ABI1: variants seen among roughly 807,000 people sequenced by gnomAD.
The protein encoded by ABI1 is Abelson interactor 1.
In ABI1, 14 loss-of-function variants were observed where a neutral mutation model predicts 54.6. The observed-to-expected ratio is 0.26, with a 90% confidence interval of 0.17 to 0.40. The LOEUF is 0.40. Among genes scored for constraint, ABI1 ranks in the 10% least tolerant of loss-of-function variants. ABI1 has a pLI of 1.00. For synonymous variants in ABI1, 194 were observed against 209.3 expected (o/e 0.93, Z 0.63); for missense variants, 443 against 598.3 (o/e 0.74, Z 2.71).
chr10:26,765,466 G>T, intron 6 of ABI1, 148 bp from the exon 7 acceptor site: 1 of 635,626 alleles, frequency 1.6e-6, no homozygotes, highest in Non-Finnish European at 2.7e-6. Context: ...GAGCCCCCTT[G>T]GATACCAAAA....
At chr10:26,789,863 A>C (rs1302214328) in intron 2 of ABI1, among the ~76,000 whole-genome samples, 1 of 152,192 alleles carries the variant, frequency 6.6e-6, no homozygotes, top group Non-Finnish European at 1.5e-5. Flanking sequence ...TCCTACATAT[A>C]AGTGAGAACA....
intron 1 of ABI1, among the ~76,000 whole-genome samples, chr10:26,825,292 G>A (rs115273113): frequency 2.7e-3 from 409 of 152,320 alleles, no homozygotes; most frequent in African/African-American, 9.1e-3. Flanking sequence ...TTGGGAGACT[G>A]AGGCAGGAGA....
chr10:26,812,918 A>G (rs551557304), intron 2 of ABI1, among the ~76,000 whole-genome samples: 1 of 152,300 alleles, frequency 6.6e-6, no homozygotes, highest in South Asian at 2.1e-4. Flanking sequence ...CAACTCAGCC[A>G]GTAAGTGCCA....
At chr10:26,804,284 G>A (rs1380044776) in intron 2 of ABI1, among the ~76,000 whole-genome samples, 3 of 152,010 alleles carry the variant, frequency 2.0e-5, no homozygotes, top group Non-Finnish European at 4.4e-5. Context: ...TTGGGAGGCT[G>A]AGGCACAAGA....
chr10:26,847,862 T>C (rs2050096194), intron 1 of ABI1, among the ~76,000 whole-genome samples: 1 of 151,714 alleles, frequency 6.6e-6, no homozygotes, highest in South Asian at 2.1e-4. Context: ...TTCAGTTGGG[T>C]TATTCTTATT....
intron 2 of ABI1, among the ~76,000 whole-genome samples, chr10:26,821,106 G>T (rs547049087): frequency 6.6e-6 from 1 of 151,448 alleles, no homozygotes; most frequent in Non-Finnish European, 1.5e-5. Flanking sequence ...TTCACTGGGC[G>T]TGGTGAGGTG....
At chr10:26,789,400 C>T (rs1311477689) in intron 2 of ABI1, among the ~76,000 whole-genome samples, 1 of 152,162 alleles carries the variant, frequency 6.6e-6, no homozygotes, top group Non-Finnish European at 1.5e-5. Flanking sequence ...TACATACACA[C>T]ATTTGAATTA....
chr10:26,855,903 G>A (rs957685690), intron 1 of ABI1, among the ~76,000 whole-genome samples: 6 of 150,932 alleles, frequency 4.0e-5, no homozygotes, highest in African/African-American at 1.5e-4. Context: ...CCCAGGAGGC[G>A]GAGATTGCAG....
intron 7 of ABI1, among the ~76,000 whole-genome samples, chr10:26,760,001 G>A (rs995908662): frequency 2.0e-5 from 3 of 151,078 alleles, no homozygotes; most frequent in Non-Finnish European, 2.9e-5. Flanking sequence ...GCATTTTAAG[G>A]TAGTTTTGTT....
In ABI1 at chr10:26,748,703, AG is replaced by A; in HGVS notation, c.1312del (p.Leu438CysfsTer12). On this transcript the variant is annotated frameshift_variant, in exon 11 of 11. Coordinates refer to ENST00000376140, the MANE Select transcript of ABI1 (RefSeq NM_001012750.3). LOFTEE classifies it high-confidence loss of function. ...AATGATTGCACCCTCCATAAATGACAGCTCATCATCCTTGTCTTTTGTATAA... is the reference window on the plus strand; with the variant it reads ...AATGATTGCACCCTCCATAAATGACACTCATCATCCTTGTCTTTTGTATAA... ...YDYTKDKDDE[L>X]SFMEGAIIYV... The A allele has an allele frequency of 6.2e-7, 1 of 1,613,268 alleles. No individual in the cohort carries two copies. The highest frequency in any genetic ancestry group is 8.5e-7 in the Non-Finnish European group (1 of 1,179,646).
chr10:26,847,118 T>C (rs1238794212), intron 1 of ABI1, among the ~76,000 whole-genome samples: 1 of 152,218 alleles, frequency 6.6e-6, no homozygotes, highest in Non-Finnish European at 1.5e-5. Context: ...ACTGAGTATG[T>C]GACAAACTAA....
At position 26,777,245 on chromosome 10, in the gene ABI1, T is replaced by C. The variant is rs1025206419; in HGVS notation, c.286-4A>G. The stretch of plus-strand genomic sequence containing the variant: ...TCTCCTTATGAATATCCACAGTCTA[T>C]ATTTTAATTTGAACAAAACAAGAAA... On this transcript the variant is annotated splice_region_variant and splice_polypyrimidine_tract_variant and intron_variant, in intron 2 of 10. Coordinates refer to ENST00000376140, the MANE Select transcript of ABI1 (RefSeq NM_001012750.3). The C allele has an allele frequency of 6.3e-7, 1 of 1,597,784 alleles. No individual in the cohort carries two copies. The highest frequency in any genetic ancestry group is 8.5e-7 in the Non-Finnish European group (1 of 1,173,388).
At chr10:26,852,383 G>A (rs2050467825) in intron 1 of ABI1, among the ~76,000 whole-genome samples, 3 of 152,140 alleles carry the variant, frequency 2.0e-5, no homozygotes, top group East Asian at 1.9e-4. Flanking sequence ...GGATGCCGAG[G>A]CAGGAGAATT....
At chr10:26,795,749 A>C (rs1158122145) in intron 2 of ABI1, among the ~76,000 whole-genome samples, 2 of 152,196 alleles carry the variant, frequency 1.3e-5, no homozygotes, top group Admixed American at 1.3e-4. Context: ...AACTGAAGAC[A>C]CAAATAAATG....
chr10:26,850,612 C>T (rs1018029563), intron 1 of ABI1, among the ~76,000 whole-genome samples: 5 of 150,416 alleles, frequency 3.3e-5, no homozygotes, highest in East Asian at 2.0e-4. Flanking sequence ...GAGCCAAGAC[C>T]GCGCTATTGC....
intron 2 of ABI1, among the ~76,000 whole-genome samples, chr10:26,783,456 C>T (rs944264417): frequency 1.3e-5 from 2 of 152,244 alleles, no homozygotes; most frequent in Admixed American, 6.5e-5. Context: ...ATGTATTTTG[C>T]CACAATTTTA....
At chr10:26,824,386 A>G (rs559584305) in intron 1 of ABI1, among the ~76,000 whole-genome samples, 5 of 152,228 alleles carry the variant, frequency 3.3e-5, no homozygotes, top group Non-Finnish European at 7.3e-5. Flanking sequence ...ATCTCAAAAA[A>G]TCACTGGCAA....
intron 7 of ABI1, among the ~76,000 whole-genome samples, chr10:26,764,896 T>A (rs1839722726): frequency 6.6e-6 from 1 of 152,192 alleles, no homozygotes; most frequent in Non-Finnish European, 1.5e-5. Flanking sequence ...CCATGCATTT[T>A]GGTATCCGCA....
chr10:26,813,066 T>C (rs918191754), intron 2 of ABI1, among the ~76,000 whole-genome samples: 2 of 151,988 alleles, frequency 1.3e-5, no homozygotes, highest in Admixed American at 6.6e-5. Context: ...CTGGTCAACA[T>C]GGTGAAACCC....
Sources: gnomAD v4.1 joint callset for allele counts (sites outside exome capture counted in the v4.1 genomes callset) on GRCh38, gnomAD v4.1.1 for gene constraint, MANE v1.5 for transcripts, NCBI Gene and HGNC (gene_info 2026-07-23, HGNC 2026-07-21) for gene names.